TWIST2: variants seen among roughly 807,000 people sequenced by gnomAD.
TWIST2 encodes twist-related protein 2.
TWIST2 carries 1 observed loss-of-function variant against 11.6 expected under a neutral mutation model. That is an observed-to-expected ratio of 0.09 (90% CI 0.03 to 0.41). The LOEUF (loss-of-function observed/expected upper bound fraction) is 0.41, where lower values mean the gene tolerates loss of function less well. TWIST2 is among the 10% of genes least tolerant of loss of function. TWIST2 has a pLI of 0.98. For synonymous variants in TWIST2, 87 were observed against 96.6 expected (o/e 0.90, Z 0.58); for missense variants, 168 against 226.4 (o/e 0.74, Z 1.66).
intron 1 of TWIST2, among the ~76,000 whole-genome samples, chr2:238,901,792 G>A (rs975590027): frequency 6.6e-6 from 1 of 152,126 alleles, no homozygotes; most frequent in Non-Finnish European, 1.5e-5. Context: ...AGGACCCATC[G>A]AGACCCATGG....
intron 1 of TWIST2, among the ~76,000 whole-genome samples, chr2:238,909,183 T>G (rs1693411312): frequency 8.6e-6 from 1 of 115,846 alleles, no homozygotes; most frequent in African/African-American, 3.4e-5. Flanking sequence ...GTGTAGTGTG[T>G]GGTATGTTTG....
At chr2:238,896,690 C>A (rs2106371448) in intron 1 of TWIST2, among the ~76,000 whole-genome samples, 1 of 152,328 alleles carries the variant, frequency 6.6e-6, no homozygotes, top group East Asian at 1.9e-4. Flanking sequence ...GTGGGGGAAT[C>A]TCACCCATGC....
intron 1 of TWIST2, among the ~76,000 whole-genome samples, chr2:238,849,091 C>T (rs924392670): frequency 1.5e-5 from 2 of 134,212 alleles, no homozygotes; most frequent in African/African-American, 8.1e-5. Context: ...CTCCTGGGGC[C>T]GGCTGGGGAC....
At position 238,870,168 on chromosome 2, in the gene TWIST2, C is replaced by A. The variant is rs1424985195; in HGVS notation, c.*35+21435C>A. Among the ~76,000 whole-genome samples, 209 of 33,328 alleles carry A rather than the reference C, an allele frequency of 6.3e-3. 1 individual carries two copies. Among genetic ancestry groups the A allele is most frequent in the Middle Eastern group, 0.015 (1 of 66 alleles). The allele number at this position is 33,328 out of a possible 152,430, so 21.9% of individuals were successfully genotyped here. A position where few individuals can be genotyped will look rare whatever the true frequency, so the allele number is the denominator to read the frequency against. On this transcript the variant is annotated intron_variant, in intron 1 of 1. Transcript: ENST00000612363. ...CATACACACCACACCCCACACACACCACACACCCCACACACACATCACATA... is the reference window on the plus strand; with the variant it reads ...CATACACACCACACCCCACACACACAACACACCCCACACACACATCACATA...
intron 1 of TWIST2, among the ~76,000 whole-genome samples, chr2:238,902,843 TGTG>T (rs1354734834): frequency 9.3e-4 from 118 of 127,502 alleles, no homozygotes; most frequent in Admixed American, 4.4e-3. Context: ...GTGTGTGTGA[TGTG>T]GGGTGTGTGA....
At chr2:238,881,423 TAG>T in intron 1 of TWIST2, among the ~76,000 whole-genome samples, 1 of 151,636 alleles carries the variant, frequency 6.6e-6, no homozygotes, top group African/African-American at 2.4e-5. Flanking sequence ...GTGTTAGTGT[TAG>T]TATTAGTGTC....
chr2:238,856,874 G>T (rs1047881585), intron 1 of TWIST2, among the ~76,000 whole-genome samples: 1 of 152,294 alleles, frequency 6.6e-6, no homozygotes, highest in South Asian at 2.1e-4. Context: ...GAGGGAGGCC[G>T]CTGCAGACAC....
rs540458513 is a variant in TWIST2 at position 238,856,044 on chromosome 2, G to A, written c.*35+7311G>A. On this transcript the variant is annotated intron_variant, in intron 1 of 1. Transcript: ENST00000612363. Reference sequence around the variant, plus strand: ...CTGGTGCAGAAGGACCTGTTTCCACGATCCCCAAACTCCCTGGGGGCCGTG... The same window carrying A: ...CTGGTGCAGAAGGACCTGTTTCCACAATCCCCAAACTCCCTGGGGGCCGTG... 6.0e-4 allele frequency among the ~76,000 whole-genome samples: 92 copies of A among 152,246 alleles called. 1 individual carries two copies. Among genetic ancestry groups the A allele is most frequent in the African/African-American group, 1.8e-3 (76 of 41,540 alleles).
chr2:238,879,886 G>T (rs1248963642), intron 1 of TWIST2, among the ~76,000 whole-genome samples: 1 of 152,260 alleles, frequency 6.6e-6, no homozygotes, highest in Non-Finnish European at 1.5e-5. Context: ...CACAGAGGGA[G>T]AGGCAGAGAT....
intron 1 of TWIST2, among the ~76,000 whole-genome samples, chr2:238,857,579 CA>C (rs1692353835): frequency 6.6e-6 from 1 of 151,872 alleles, no homozygotes; most frequent in Non-Finnish European, 1.5e-5. Flanking sequence ...GCCAAACGAC[CA>C]TCTTGTCTGT....
chr2:238,858,969 T>C (rs756646618), intron 1 of TWIST2, among the ~76,000 whole-genome samples: 3 of 152,192 alleles, frequency 2.0e-5, no homozygotes, highest in Non-Finnish European at 4.4e-5. Context: ...CTCAGCACTT[T>C]GGGAGGCTGA....
In TWIST2 at chr2:238,864,976, G is replaced by A. The variant is rs1041293164; in HGVS notation, c.*35+16243G>A. On this transcript the variant is annotated intron_variant, in intron 1 of 1. Transcript: ENST00000612363. The surrounding 1 kb of genome is among the most constrained non-coding windows in gnomAD (Gnocchi z 4.7). ...CCAGGCTCGGTGGGCCTGGCCACCC[G>A]AGGGGCCTCTTCTCTCCCCCTGCAA... Among the ~76,000 whole-genome samples the A allele has an allele frequency of 1.3e-5, 2 of 152,126 alleles. No homozygotes were observed. Among genetic ancestry groups the A allele is most frequent in the Non-Finnish European group, 2.9e-5 (2 of 68,026 alleles).
rs1247822698 is a variant in TWIST2 at position 238,848,689 on chromosome 2, C to T, written c.474C>T (p.Ala158=). ...WRMEGAWSMS[A]SH ...TGGAGGGCGCGTGGTCCATGTCCGC[C>T]TCCCACTAGCGCCGCGCCACCCACC... The change falls in exon 1 of 2, where the codon GCC becomes GCT. Residue 158 remains alanine, a synonymous_variant. Coordinates refer to ENST00000612363, the MANE Select transcript of TWIST2 (RefSeq NM_001271893.4). The T allele has an allele frequency of 2.6e-6, 4 of 1,519,736 alleles. No homozygotes were observed. In the East Asian group the frequency reaches 7.4e-5, roughly 28 times the overall value. 94.1% of individuals were successfully genotyped at this position (1,519,736 alleles called of 1,614,324 possible).
At chr2:238,857,438 T>A (rs1242899305) in intron 1 of TWIST2, among the ~76,000 whole-genome samples, 1 of 152,126 alleles carries the variant, frequency 6.6e-6, no homozygotes, top group Non-Finnish European at 1.5e-5. Flanking sequence ...TAGCGATAGA[T>A]CTAAACCTGC....
At chr2:238,873,464 C>T (rs767678278) in intron 1 of TWIST2, among the ~76,000 whole-genome samples, 8 of 152,126 alleles carry the variant, frequency 5.3e-5, no homozygotes, top group Non-Finnish European at 7.4e-5. Context: ...GGATTAGGTG[C>T]GCAGAGCCTG....
chr2:238,879,641 A>C (rs2106363726), intron 1 of TWIST2, among the ~76,000 whole-genome samples: 1 of 152,208 alleles, frequency 6.6e-6, no homozygotes, highest in South Asian at 2.1e-4. Flanking sequence ...ATCTAGTGTC[A>C]AGTTAGTGGT....
intron 1 of TWIST2, among the ~76,000 whole-genome samples, chr2:238,860,816 T>C (rs1299212228): frequency 6.6e-6 from 1 of 152,154 alleles, no homozygotes; most frequent in Non-Finnish European, 1.5e-5. Flanking sequence ...TGGGCACCTG[T>C]AATCCCAGCT....
intron 1 of TWIST2, among the ~76,000 whole-genome samples, chr2:238,907,104 A>T (rs2106376303): frequency 6.6e-6 from 1 of 152,296 alleles, no homozygotes; most frequent in Non-Finnish European, 1.5e-5. Context: ...ACAGCAACAC[A>T]GCCTGGGGGC....
At chr2:238,897,219 G>A (rs1693217291) in intron 1 of TWIST2, among the ~76,000 whole-genome samples, 1 of 151,582 alleles carries the variant, frequency 6.6e-6, no homozygotes, top group African/African-American at 2.4e-5. Context: ...TTCTCCCTTG[G>A]TTGCAGACGT....
Sources: gnomAD v4.1 joint callset for allele counts (sites outside exome capture counted in the v4.1 genomes callset) on GRCh38, gnomAD v4.1.1 for gene constraint, Gnocchi (gnomAD v3.1) non-coding constraint, MANE v1.5 for transcripts, NCBI Gene and HGNC (gene_info 2026-07-23, HGNC 2026-07-21) for gene names.